Variants in TRIP11 observed in about 807,000 individuals in gnomAD.
TRIP11 encodes thyroid hormone receptor interactor 11, also known as thyroid receptor-interacting protein 11.
In TRIP11, 148 loss-of-function variants were observed where a neutral mutation model predicts 223.1. That is an observed-to-expected ratio of 0.66 (90% confidence interval 0.58 to 0.76). TRIP11 has a LOEUF of 0.76. Ranked by LOEUF, TRIP11 falls within the 30% of genes least tolerant of loss-of-function variation. The pLI is 0.00. For missense variants in TRIP11, 2,043 were observed against 2,222.0 expected, an observed-to-expected ratio of 0.92 and a Z score of 1.62; for synonymous variants, 762 against 772.6, an observed-to-expected ratio of 0.99 and a Z score of 0.23.
At chr14:91,982,624 A>C (rs554535109) in intron 16 of TRIP11, among the ~76,000 whole-genome samples, 67 of 152,308 alleles carry the variant, frequency 4.4e-4, no homozygotes, top group Admixed American at 1.5e-3. Flanking sequence ...AGTTGAAATT[A>C]ATTTTTTAAT....
At chr14:92,025,637 C>T (rs539038175) in intron 2 of TRIP11, among the ~76,000 whole-genome samples, 37 of 152,184 alleles carry the variant, frequency 2.4e-4, no homozygotes, top group African/African-American at 8.4e-4. Context: ...AATCCCAGCA[C>T]TTTGGGAGGC....
In TRIP11 at chr14:91,969,544, A is replaced by C. The variant is rs1036399031; in HGVS notation, c.*129T>G. 1.1e-5 allele frequency: 10 copies of C among 917,508 alleles called. No individual in the cohort carries two copies. The highest frequency in any genetic ancestry group is 1.8e-5 in the Non-Finnish European group (10 of 568,568). 56.8% of individuals were successfully genotyped at this position (917,508 alleles called of 1,614,324 possible). A position where few individuals can be genotyped will look rare whatever the true frequency, so the allele number is the denominator to read the frequency against. ...AAAAGCATTAGGAATATTTTTATTA[A>C]ATTCAGAGAAAGCATAATTGCGAAC... On this transcript the variant is annotated 3_prime_UTR_variant, in exon 21 of 21. Coordinates refer to ENST00000267622, the MANE Select transcript of TRIP11 (RefSeq NM_004239.4).
At chr14:92,016,779 G>A (rs1195067548) in intron 5 of TRIP11, among the ~76,000 whole-genome samples, 1 of 152,074 alleles carries the variant, frequency 6.6e-6, no homozygotes, top group South Asian at 2.1e-4. Context: ...TAACTTGCCC[G>A]AGATTAGCAT....
At chr14:92,031,105 A>T (rs78159400) in intron 2 of TRIP11, among the ~76,000 whole-genome samples, 1,977 of 151,928 alleles carry the variant, frequency 0.013, 28 homozygotes, top group African/African-American at 0.045. Context: ...TTATTTATTT[A>T]TTTATTTTTT....
intron 3 of TRIP11, among the ~76,000 whole-genome samples, chr14:92,023,886 C>T (rs1247022616): frequency 6.7e-6 from 1 of 148,340 alleles, no homozygotes; most frequent in Non-Finnish European, 1.5e-5. Context: ...GACGGAGTCT[C>T]GTTCTGTGAC....
At chr14:91,993,736 T>C in intron 15 of TRIP11, 73 bp downstream of exon 15, 1 of 1,236,916 alleles carries the variant, frequency 8.1e-7, no homozygotes, top group Non-Finnish European at 1.2e-6. Context: ...GGAGATTATT[T>C]CCAAGACAAA....
rs1323424827 is a variant in TRIP11 at position 91,974,653 on chromosome 14, G to A, written c.5548C>T (p.Pro1850Ser). 1 of 1,612,218 alleles carries A rather than the reference G, an allele frequency of 6.2e-7. No homozygotes were observed. Among genetic ancestry groups the A allele is most frequent in the Non-Finnish European group, 8.5e-7 (1 of 1,179,900 alleles). ...SKSVPNTPLR[P>S]NQQSVVNSSF... Reference sequence around the variant, plus strand: ...CTATTAACCACAGATTGCTGATTTGGTCTCAAAGGTGTGTTGGGAACACTT... The same window carrying A: ...CTATTAACCACAGATTGCTGATTTGATCTCAAAGGTGTGTTGGGAACACTT... The change falls in exon 19 of 21, where the codon CCA becomes TCA. Residue 1850 changes from proline (P) to serine (S), a missense_variant. Transcript: ENST00000267622.
intron 9 of TRIP11, among the ~76,000 whole-genome samples, chr14:92,008,394 A>T (rs992301011): frequency 2.0e-5 from 3 of 152,204 alleles, no homozygotes; most frequent in African/African-American, 7.2e-5. Flanking sequence ...AATTTCCCTT[A>T]TTACTTTTGC....
intron 6 of TRIP11, 59 bp from the exon 7 acceptor site, chr14:92,014,636 T>G: frequency 6.5e-7 from 1 of 1,543,670 alleles, no homozygotes; most frequent in Non-Finnish European, 8.7e-7. Flanking sequence ...ATAAACGGTT[T>G]GCTATATACA....
chr14:91,979,025 G>C (rs1244786867), intron 16 of TRIP11, among the ~76,000 whole-genome samples: 2 of 152,098 alleles, frequency 1.3e-5, no homozygotes, highest in African/African-American at 4.8e-5. Context: ...GCGAGGCCGA[G>C]GTAAGCATAT....
rs560446477 is a variant in TRIP11 at position 92,018,097 on chromosome 14, CT to C, written c.589-348del. Among the ~76,000 whole-genome samples the C allele has an allele frequency of 3.4e-3, 473 of 139,142 alleles. 1 individual carries two copies. Among genetic ancestry groups the C allele is most frequent in the Middle Eastern group, 3.7e-3 (1 of 270 alleles). The allele number at this position is 139,142 out of a possible 152,430, so 91.3% of individuals were successfully genotyped here. On this transcript the variant is annotated intron_variant, in intron 4 of 20. Transcript: ENST00000267622. ...CTAAAAGGAAATTTCTTTTTCCTTTCTTTTTTTTTTTTTTTGAGACAGGGTC... is the reference window on the plus strand; with the variant it reads ...CTAAAAGGAAATTTCTTTTTCCTTTCTTTTTTTTTTTTTTGAGACAGGGTC...
intron 3 of TRIP11, among the ~76,000 whole-genome samples, chr14:92,022,807 G>T (rs958363485): frequency 6.6e-6 from 1 of 152,128 alleles, no homozygotes; most frequent in Non-Finnish European, 1.5e-5. Context: ...CATTTATGTT[G>T]TATGTCATAA....
chr14:91,974,523 G>T (rs896487926), intron 19 of TRIP11, 104 bp downstream of exon 19: 1 of 937,548 alleles, frequency 1.1e-6, no homozygotes, highest in South Asian at 1.4e-5. Context: ...AAAATAAAAG[G>T]GTTGTATAAA....
At chr14:91,977,161 T>G (rs993995248) in intron 16 of TRIP11, 9 of 444,616 alleles carry the variant, frequency 2.0e-5, no homozygotes, top group Non-Finnish European at 4.0e-5. Context: ...TTCCTAGTAG[T>G]AGCTGGATAC....
chr14:91,969,565 C>G lies in TRIP11; in HGVS notation c.*108G>C. ...ATTAAATTCAGAGAAAGCATAATTG[C>G]GAACAAATACATGACTTTCTCCCCA... On this transcript the variant is annotated 3_prime_UTR_variant, in exon 21 of 21. Coordinates refer to ENST00000267622, the MANE Select transcript of TRIP11 (RefSeq NM_004239.4). The G allele has an allele frequency of 1.8e-6, 2 of 1,094,946 alleles. No individual in the cohort carries two copies. The highest frequency in any genetic ancestry group is 2.8e-6 in the Non-Finnish European group (2 of 718,416). 67.8% of individuals were successfully genotyped at this position (1,094,946 alleles called of 1,614,324 possible). A position where few individuals can be genotyped will look rare whatever the true frequency, so the allele number is the denominator to read the frequency against.
At chr14:92,001,157 G>A (rs762424652) in intron 11 of TRIP11, among the ~76,000 whole-genome samples, 4 of 151,954 alleles carry the variant, frequency 2.6e-5, no homozygotes, top group South Asian at 2.1e-4. Flanking sequence ...CACCATGCCC[G>A]GTCTACAGCC....
intron 7 of TRIP11, among the ~76,000 whole-genome samples, chr14:92,013,678 G>A (rs1351453583): frequency 6.6e-6 from 1 of 152,188 alleles, no homozygotes; most frequent in Non-Finnish European, 1.5e-5. Flanking sequence ...GTAAGTAAAT[G>A]TATTAGTCTT....
Position 92,014,488 on chromosome 14 carries a change from T to C in TRIP11, c.913A>G (p.Thr305Ala). Reference sequence around the variant, plus strand: ...TCCTCAAGTTGTTCCATTTTTTTGGTAGACTCCACTTTTTCTATTTGTAGA... The same window carrying C: ...TCCTCAAGTTGTTCCATTTTTTTGGCAGACTCCACTTTTTCTATTTGTAGA... ...QVLQIEKVES[T>A]KKMEQLEDKI... Residue 305 changes from threonine to alanine, a missense_variant, in exon 7 of 21, where the codon ACC becomes GCC. By Grantham distance (58) the Thr-to-Ala change is moderately conservative (BLOSUM62 0). Transcript: ENST00000267622. The C allele has an allele frequency of 6.3e-7, 1 of 1,596,150 alleles. No homozygotes were observed. The highest frequency in any genetic ancestry group is 8.5e-7 in the Non-Finnish European group (1 of 1,175,038).
At position 92,004,624 on chromosome 14, in the gene TRIP11, C is replaced by T. The variant is rs2056873778; in HGVS notation, c.3352G>A (p.Glu1118Lys). 3.1e-6 allele frequency: 5 copies of T among 1,614,140 alleles called. No homozygotes were observed. Among genetic ancestry groups the T allele is most frequent in the Non-Finnish European group, 3.4e-6 (4 of 1,180,018 alleles). The change falls in exon 11 of 21, where the codon GAA (glutamate) becomes AAA (lysine). Residue 1118 changes from glutamate to lysine, a missense_variant. Physicochemically the swap from Glu to Lys is moderately conservative, Grantham distance 56. Coordinates refer to ENST00000267622, the MANE Select transcript of TRIP11 (RefSeq NM_004239.4). ...ACAATATCCATCATTTTGTGATATT[C>T]TGTTTTTAGATGGCTATTTTCCCTA... Reference protein sequence around the residue: ...KTRENSHLKTEYHKMMDIVAA... With the variant: ...KTRENSHLKTKYHKMMDIVAA...
Sources: gnomAD v4.1 joint callset for allele counts (sites outside exome capture counted in the v4.1 genomes callset) on GRCh38, gnomAD v4.1.1 for gene constraint, MANE v1.5 for transcripts, NCBI Gene and HGNC (gene_info 2026-07-23, HGNC 2026-07-21) for gene names.